Variants in L3MBTL4 observed in about 807,000 individuals in gnomAD.
L3MBTL4 encodes the protein lethal(3)malignant brain tumor-like protein 4.
A neutral mutation model predicts 84.5 loss-of-function variants in L3MBTL4; 70 were observed. That is an observed-to-expected ratio of 0.83 (90% CI 0.68 to 1.01). The LOEUF (loss-of-function observed/expected upper bound fraction) is 1.01, where lower values mean the gene tolerates loss of function less well. Ranked by LOEUF, L3MBTL4 falls within the 50% of genes least tolerant of loss-of-function variation. L3MBTL4 has a pLI of 0.00. For missense variants in L3MBTL4, 715 were observed against 754.8 expected (o/e 0.95, Z 0.62); for synonymous variants, 274 against 259.8 (o/e 1.05, Z -0.52).
At chr18:6,313,432 C>G (rs2050933776) in intron 1 of L3MBTL4, among the ~76,000 whole-genome samples, 1 of 152,210 alleles carries the variant, frequency 6.6e-6, no homozygotes, top group Admixed American at 6.5e-5. Context: ...CACTTCTTTT[C>G]CACATATCCT....
intron 13 of L3MBTL4, among the ~76,000 whole-genome samples, chr18:6,143,583 T>C (rs1455296114): frequency 6.6e-6 from 1 of 152,180 alleles, no homozygotes; most frequent in African/African-American, 2.4e-5. Context: ...AATAATCGTA[T>C]TTTTGCCAAG....
chr18:6,312,538 G>C (rs891184432), intron 1 of L3MBTL4, among the ~76,000 whole-genome samples: 3 of 152,080 alleles, frequency 2.0e-5, no homozygotes, highest in Admixed American at 2.0e-4. Flanking sequence ...CACCACCCAA[G>C]AGCACCAAGC....
chr18:6,080,515 C>G (rs537052127), intron 16 of L3MBTL4, among the ~76,000 whole-genome samples: 10 of 152,340 alleles, frequency 6.6e-5, no homozygotes, highest in Middle Eastern at 3.4e-3. Context: ...ATCTCACAGT[C>G]TCCCACCTTC....
intron 14 of L3MBTL4, among the ~76,000 whole-genome samples, chr18:6,134,347 A>C (rs1276068194): frequency 1.3e-5 from 2 of 152,108 alleles, no homozygotes; most frequent in Non-Finnish European, 2.9e-5. Flanking sequence ...CGGCCCCTCC[A>C]AATCTCAGGT....
At chr18:6,050,399 A>C (rs2056796710) in intron 16 of L3MBTL4, among the ~76,000 whole-genome samples, 1 of 152,200 alleles carries the variant, frequency 6.6e-6, no homozygotes, top group African/African-American at 2.4e-5. Flanking sequence ...TACATTCACC[A>C]TTCTGAAAAG....
At chr18:6,354,817 C>T (rs554853771) in intron 1 of L3MBTL4, among the ~76,000 whole-genome samples, 22 of 152,132 alleles carry the variant, frequency 1.4e-4, no homozygotes, top group African/African-American at 5.1e-4. Context: ...AGGGAACCCT[C>T]GTATACTGTT....
rs2047435289 is a variant in L3MBTL4 at position 6,241,206 on chromosome 18, C to T, written c.552+152G>A. 1.0e-5 allele frequency: 6 copies of T among 587,622 alleles called. No homozygotes were observed. The South Asian group carries it at 1.3e-4, about 13-fold the overall frequency. The allele number at this position is 587,622 out of a possible 1,614,324, so 36.4% of individuals were successfully genotyped here. A position where few individuals can be genotyped will look rare whatever the true frequency, so the allele number is the denominator to read the frequency against. On this transcript the variant is annotated intron_variant, in intron 8 of 18. Coordinates refer to ENST00000317931, the MANE Select transcript of L3MBTL4 (RefSeq NM_001330559.2). ...AAGGAAGAAAACCAAGATATGCCCA[C>T]AAGAAACTGACGAATTAGGTGAGAA...
At chr18:6,351,287 C>A (rs541133441) in intron 1 of L3MBTL4, among the ~76,000 whole-genome samples, 1 of 152,124 alleles carries the variant, frequency 6.6e-6, no homozygotes, top group African/African-American at 2.4e-5. Context: ...TTGTATTATT[C>A]CACTTATATG....
In L3MBTL4 at chr18:5,956,481, C is replaced by A. The variant is rs562857964; in HGVS notation, c.1678-94G>T. 309 of 1,119,114 alleles carry A rather than the reference C, an allele frequency of 2.8e-4. 2 individuals carry two copies. In the African/African-American group the frequency reaches 3.9e-3, roughly 14 times the overall value. The allele number at this position is 1,119,114 out of a possible 1,614,324, so 69.3% of individuals were successfully genotyped here. A position where few individuals can be genotyped will look rare whatever the true frequency, so the allele number is the denominator to read the frequency against. ...CTTTGGTTCTGAGTGTGATGTGGAACCCGTCATAGCCTCCGTGTTGAGCTC... is the reference window on the plus strand; with the variant it reads ...CTTTGGTTCTGAGTGTGATGTGGAAACCGTCATAGCCTCCGTGTTGAGCTC... On this transcript the variant is annotated intron_variant, in intron 18 of 18. Transcript: ENST00000317931.
At chr18:6,313,974 G>GA (rs1442152715) in intron 1 of L3MBTL4, among the ~76,000 whole-genome samples, 2 of 151,986 alleles carry the variant, frequency 1.3e-5, no homozygotes, top group African/African-American at 4.8e-5. Context: ...GACAAAAAAG[G>GA]AATCAAATAC....
At chr18:6,352,331 TAA>T (rs2053238718) in intron 1 of L3MBTL4, among the ~76,000 whole-genome samples, 1 of 152,218 alleles carries the variant, frequency 6.6e-6, no homozygotes, top group African/African-American at 2.4e-5. Flanking sequence ...TTTAGATCTA[TAA>T]ATTAATGCAT....
chr18:6,371,605 C>G (rs946629482), intron 1 of L3MBTL4, among the ~76,000 whole-genome samples: 1 of 152,182 alleles, frequency 6.6e-6, no homozygotes, highest in Non-Finnish European at 1.5e-5. Flanking sequence ...CAAAAAATGG[C>G]CTTACAATTC....
At chr18:6,302,022 A>G in intron 3 of L3MBTL4, 65 bp from the exon 4 acceptor site, 1 of 1,295,542 alleles carries the variant, frequency 7.7e-7, no homozygotes, top group South Asian at 1.2e-5. Flanking sequence ...CTGAAAACTA[A>G]TGTTCCTTTT....
At chr18:6,061,980 T>C (rs1392954469) in intron 16 of L3MBTL4, among the ~76,000 whole-genome samples, 1 of 151,968 alleles carries the variant, frequency 6.6e-6, no homozygotes, top group Non-Finnish European at 1.5e-5. Flanking sequence ...AATTAATTTT[T>C]GCTATTGTTA....
chr18:6,311,710 A>C, intron 2 of L3MBTL4, 54 bp from the exon 3 acceptor site: 2 of 976,246 alleles, frequency 2.0e-6, no homozygotes, highest in Non-Finnish European at 1.6e-6. Context: ...CCCCTTCAGA[A>C]TTACAGAAGC....
At chr18:6,304,032 A>G (rs2050468830) in intron 3 of L3MBTL4, among the ~76,000 whole-genome samples, 1 of 149,080 alleles carries the variant, frequency 6.7e-6, no homozygotes, top group Non-Finnish European at 1.5e-5. Flanking sequence ...AAAAAAAACA[A>G]AAAAAAAAGA....
chr18:5,958,070 GAAGAAGAAGAAGAAGA>G (rs2095239414), intron 18 of L3MBTL4, among the ~76,000 whole-genome samples: 7 of 35,754 alleles, frequency 2.0e-4, no homozygotes, highest in Non-Finnish European at 2.5e-4. Flanking sequence ...AGGAGAAGAA[GAAGAAGAAGAAGAAGA>G]AGAAGAAGAA....
intron 5 of L3MBTL4, among the ~76,000 whole-genome samples, chr18:6,253,062 T>C (rs2047994516): frequency 6.6e-6 from 1 of 151,920 alleles, no homozygotes; most frequent in African/African-American, 2.4e-5. Context: ...ATTAGCTGGG[T>C]GTGGAGGTGT....
intron 14 of L3MBTL4, among the ~76,000 whole-genome samples, chr18:6,105,183 ATTTTT>A (rs869169400): frequency 1.6e-3 from 158 of 100,404 alleles, no homozygotes; most frequent in African/African-American, 6.9e-3. Context: ...AACACCACCA[ATTTTT>A]TTTTTTTTTT....
Sources: allele counts gnomAD v4.1 joint callset (sites outside exome capture counted in the v4.1 genomes callset), GRCh38; gene constraint gnomAD v4.1.1; transcripts MANE v1.5; gene names NCBI Gene and HGNC (gene_info 2026-07-23, HGNC 2026-07-21).